Variants in BABAM2 observed in about 807,000 individuals in gnomAD.
BABAM2 encodes the protein BRISC and BRCA1-A complex member 2.
In BABAM2, 31 loss-of-function variants were observed where a neutral mutation model predicts 54.7. That is an observed-to-expected ratio of 0.57 (90% CI 0.43 to 0.77). The LOEUF is 0.77. Among genes scored for constraint, BABAM2 ranks in the 30% least tolerant of loss-of-function variants. The pLI is 0.00. For synonymous variants in BABAM2, 167 were observed against 162.9 expected (o/e 1.03, Z -0.19); for missense variants, 364 against 455.8 (o/e 0.80, Z 1.83).
intron 3 of BABAM2, among the ~76,000 whole-genome samples, chr2:27,946,959 G>C (rs141329289): frequency 5.4e-4 from 82 of 151,876 alleles, no homozygotes; most frequent in African/African-American, 1.9e-3. Flanking sequence ...TTCTGACATT[G>C]GTACATTGTG....
intron 7 of BABAM2, among the ~76,000 whole-genome samples, chr2:28,182,759 C>G (rs1348950336): frequency 6.6e-6 from 1 of 152,200 alleles, no homozygotes; most frequent in Non-Finnish European, 1.5e-5. Context: ...GTTGACTCTG[C>G]TGTGATTAAT....
intron 4 of BABAM2, among the ~76,000 whole-genome samples, chr2:27,998,124 G>A (rs1254791685): frequency 1.3e-5 from 2 of 152,100 alleles, no homozygotes; most frequent in African/African-American, 4.8e-5. Flanking sequence ...CTGCACTCCA[G>A]CCTGGGAAAC....
chr2:28,302,364 C>A (rs1688175931), intron 11 of BABAM2, among the ~76,000 whole-genome samples: 1 of 151,164 alleles, frequency 6.6e-6, no homozygotes, highest in South Asian at 2.1e-4. Context: ...TTGCAGTGAG[C>A]CAAGATCACA....
intron 7 of BABAM2, among the ~76,000 whole-genome samples, chr2:28,232,668 T>C (rs1681522067): frequency 6.6e-6 from 1 of 152,192 alleles, no homozygotes; most frequent in African/African-American, 2.4e-5. Context: ...TAAGTATTTG[T>C]GTGTCTAAAC....
At chr2:28,307,695 T>C (rs772548904) in intron 11 of BABAM2, 5 of 152,198 alleles carry the variant, frequency 3.3e-5, no homozygotes, top group Non-Finnish European at 7.3e-5. Context: ...AATACATTGT[T>C]ATTACTTTGG....
chr2:27,938,611 C>T (rs1285184545), intron 3 of BABAM2, among the ~76,000 whole-genome samples: 15 of 151,840 alleles, frequency 9.9e-5, no homozygotes, highest in African/African-American at 2.2e-4. Flanking sequence ...AGGCTGGTCT[C>T]GAACTCCTGA....
intron 6 of BABAM2, among the ~76,000 whole-genome samples, chr2:28,091,609 A>C (rs1187424997): frequency 6.6e-6 from 1 of 152,204 alleles, no homozygotes; most frequent in Non-Finnish European, 1.5e-5. Context: ...TTATACTTGA[A>C]CTGAAAATAA....
At chr2:28,015,451 C>A (rs1674730808) in intron 4 of BABAM2, among the ~76,000 whole-genome samples, 1 of 152,078 alleles carries the variant, frequency 6.6e-6, no homozygotes, top group African/African-American at 2.4e-5. Flanking sequence ...TATCTTTAGA[C>A]ACTTCTAGTC....
chr2:28,073,038 T>G (rs143479587), intron 6 of BABAM2, among the ~76,000 whole-genome samples: 103 of 152,348 alleles, frequency 6.8e-4, no homozygotes, highest in Admixed American at 1.3e-3. Context: ...TTTCCTTCTC[T>G]TTCTCTGCTA....
chr2:28,259,074 CTTTTTTTTTTTTTTTTT>C (rs70956009), intron 10 of BABAM2, among the ~76,000 whole-genome samples: 6 of 23,424 alleles, frequency 2.6e-4, no homozygotes, highest in Non-Finnish European at 3.7e-4. Context: ...TGCACCTGGC[CTTTTTTTTTTTTTTTTT>C]TTTTTTTTTT....
chr2:27,942,553 G>C (rs1402345994), intron 3 of BABAM2, among the ~76,000 whole-genome samples: 1 of 148,326 alleles, frequency 6.7e-6, no homozygotes, highest in Non-Finnish European at 1.5e-5. Context: ...TTTTTTTGTA[G>C]GGATGGGTTT....
rs1466039239 is a variant in BABAM2, at chr2:27,997,677, T to C, written c.300+9590T>C. ...GCACCTTGAAAGCACAAACAAGGTA[T>C]ATTAAAAACATTCACTCTCCTAAGA... On this transcript the variant is annotated intron_variant, in intron 4 of 11. Coordinates refer to ENST00000379624, the MANE Select transcript of BABAM2 (RefSeq NM_199191.3). Among the ~76,000 whole-genome samples, 8 of 152,182 alleles carry C rather than the reference T, an allele frequency of 5.3e-5. No homozygotes were observed. The South Asian group carries it at 1.4e-3, about 28-fold the overall frequency.
rs956157583 is a variant in BABAM2, at chr2:28,237,355, C to G, written c.780+54C>G. On this transcript the variant is annotated intron_variant, in intron 8 of 11. Coordinates refer to ENST00000379624, the MANE Select transcript of BABAM2 (RefSeq NM_199191.3). ...TTATGAGATTTCTTCCTCCAGTCCA[C>G]CACGTACCCAAAATCATCGTGCATG... The G allele has an allele frequency of 8.0e-6, 12 of 1,491,734 alleles. No homozygotes were observed. In the African/African-American group the frequency reaches 1.7e-4, roughly 21 times the overall value. 92.4% of individuals were successfully genotyped at this position (1,491,734 alleles called of 1,614,324 possible).
At position 27,995,981 on chromosome 2, in the gene BABAM2, C is replaced by G. The variant is rs866036680; in HGVS notation, c.300+7894C>G. On this transcript the variant is annotated intron_variant, in intron 4 of 11. Transcript: ENST00000379624. This position sits in a 1 kb window ranked among gnomAD's most constrained non-coding sequence, Gnocchi z 4.1. The stretch of plus-strand genomic sequence containing the variant: ...TTATCTGGTTAACTTATCTTTTCAT[C>G]TATATCTAAATGGCTTTCTCCACTT... Among the ~76,000 whole-genome samples the G allele has an allele frequency of 2.6e-5, 4 of 152,190 alleles. No homozygotes were observed. The highest frequency in any genetic ancestry group is 6.5e-5 in the Admixed American group (1 of 15,282).
At chr2:27,923,076 C>CCA (rs1220754541) in intron 2 of BABAM2, among the ~76,000 whole-genome samples, 2 of 152,172 alleles carry the variant, frequency 1.3e-5, no homozygotes, top group African/African-American at 4.8e-5. Context: ...CTAGAACTGC[C>CCA]CAGCCAAGCC....
intron 7 of BABAM2, among the ~76,000 whole-genome samples, chr2:28,151,357 G>A (rs929481062): frequency 5.9e-5 from 9 of 152,234 alleles, no homozygotes; most frequent in African/African-American, 1.7e-4. Flanking sequence ...TGGATCACCC[G>A]AGGTCAGGAG....
At chr2:28,271,464 ACT>A (rs1247119977) in intron 10 of BABAM2, among the ~76,000 whole-genome samples, 1 of 152,044 alleles carries the variant, frequency 6.6e-6, no homozygotes. Context: ...CAGTGACATG[ACT>A]CTGTCACAGT....
At chr2:28,143,201 G>T (rs1671213365) in intron 7 of BABAM2, among the ~76,000 whole-genome samples, 1 of 151,958 alleles carries the variant, frequency 6.6e-6, no homozygotes, top group African/African-American at 2.4e-5. Flanking sequence ...AAGGCAACGT[G>T]GATGAACCTG....
At chr2:28,320,727 A>G (rs1558528851) in intron 11 of BABAM2, among the ~76,000 whole-genome samples, 1 of 152,226 alleles carries the variant, frequency 6.6e-6, no homozygotes, top group Non-Finnish European at 1.5e-5. Flanking sequence ...CAGTGGCTGC[A>G]GAAGGCAGGA....
Sources: gnomAD v4.1 joint callset for allele counts (sites outside exome capture counted in the v4.1 genomes callset) on GRCh38, gnomAD v4.1.1 for gene constraint, Gnocchi (gnomAD v3.1) non-coding constraint, MANE v1.5 for transcripts, NCBI Gene and HGNC (gene_info 2026-07-23, HGNC 2026-07-21) for gene names.